CYFIP2: variants seen among roughly 807,000 people sequenced by gnomAD.
The protein encoded by CYFIP2 is cytoplasmic FMR1-interacting protein 2.
CYFIP2 carries 29 observed loss-of-function variants against 158.7 expected under a neutral mutation model. That is an observed-to-expected ratio of 0.18 (90% confidence interval 0.14 to 0.25). CYFIP2 has a LOEUF of 0.25. CYFIP2 is among the 10% of genes least tolerant of loss of function. The pLI, the probability that CYFIP2 is intolerant of heterozygous loss-of-function variation, is 1.00. For synonymous variants in CYFIP2, 585 were observed against 617.6 expected (o/e 0.95, Z 0.78); for missense variants, 852 against 1,639.5 (o/e 0.52, Z 8.29).
At chr5:157,387,986 T>G (rs1208427019) in intron 28 of CYFIP2, among the ~76,000 whole-genome samples, 1 of 152,186 alleles carries the variant, frequency 6.6e-6, no homozygotes, top group African/African-American at 2.4e-5. Context: ...CCTCTCTTCC[T>G]GGGGGCCTCC....
chr5:157,299,102 AGAT>A lies in CYFIP2; in HGVS notation c.388-1611_388-1609del, dbSNP rs1581004113. 2.6e-5 allele frequency among the ~76,000 whole-genome samples: 4 copies of A among 152,202 alleles called. No individual in the cohort carries two copies. The East Asian group carries it at 7.7e-4, about 29-fold the overall frequency. On this transcript the variant is annotated intron_variant, in intron 5 of 30. Transcript: ENST00000620254. ...GACCTAGGAGTGGAATTGTTGGGTCAGATGGTAACCCCACCTTTAAGCTTTTAA... is the reference window on the plus strand; with the variant it reads ...GACCTAGGAGTGGAATTGTTGGGTCAGGTAACCCCACCTTTAAGCTTTTAA...
At chr5:157,364,191 T>TGGC (rs1764125953) in intron 26 of CYFIP2, 1 of 51,562 alleles carries the variant, frequency 1.9e-5, no homozygotes, top group African/African-American at 5.7e-5. Context: ...ACAGTGGAGG[T>TGGC]GGGGCGGGGT....
chr5:157,358,767 GCCCTTTAT>G (rs1763593263), intron 23 of CYFIP2, among the ~76,000 whole-genome samples: 1 of 152,192 alleles, frequency 6.6e-6, no homozygotes, highest in Non-Finnish European at 1.5e-5. Context: ...TTGCTTGGAA[GCCCTTTAT>G]CCTCTTCTGC....
At chr5:157,367,209 C>T (rs1176738234) in intron 26 of CYFIP2, among the ~76,000 whole-genome samples, 1 of 152,200 alleles carries the variant, frequency 6.6e-6, no homozygotes, top group Non-Finnish European at 1.5e-5. Flanking sequence ...TTCTCAACCT[C>T]AGCACCACTG....
At chr5:157,374,900 G>A (rs558170661) in intron 26 of CYFIP2, among the ~76,000 whole-genome samples, 41 of 152,302 alleles carry the variant, frequency 2.7e-4, no homozygotes, top group African/African-American at 9.4e-4. Context: ...CATCAACTGC[G>A]TTGCAAGACC....
In CYFIP2 at chr5:157,285,337, A is replaced by G; in HGVS notation, c.-23-2A>G. The G allele has an allele frequency of 6.5e-7, 1 of 1,541,242 alleles. No individual in the cohort carries two copies. The highest frequency in any genetic ancestry group is 8.8e-7 in the Non-Finnish European group (1 of 1,136,722). ...CACTGACCTTCTCTTCCTTCCCTTC[A>G]GTGCAGAATACAGAAACTGCAGCCA... On this transcript the variant is annotated splice_acceptor_variant, in intron 1 of 30. Coordinates refer to ENST00000620254, the MANE Select transcript of CYFIP2 (RefSeq NM_001037333.3). LOFTEE classifies it low-confidence loss of function (5UTR_SPLICE).
intron 28 of CYFIP2, 115 bp from the exon 29 acceptor site, chr5:157,389,074 T>A (rs1766992485): frequency 1.0e-6 from 1 of 990,036 alleles, no homozygotes; most frequent in Non-Finnish European, 1.5e-6. Context: ...ACAAGACCAG[T>A]TCTGGTGAAC....
In CYFIP2 at chr5:157,340,944, T is replaced by C. The variant is rs143251210; in HGVS notation, c.2586-126T>C. Reference sequence around the variant, plus strand: ...TTTAGTACCTTTATAGTCAACCACCTAACAAACAGTGCACTTGTACCAGTG... The same window carrying C: ...TTTAGTACCTTTATAGTCAACCACCCAACAAACAGTGCACTTGTACCAGTG... On this transcript the variant is annotated intron_variant, in intron 22 of 30. Coordinates refer to ENST00000620254, the MANE Select transcript of CYFIP2 (RefSeq NM_001037333.3). 7.3e-4 allele frequency: 588 copies of C among 806,374 alleles called. 5 individuals carry two copies. In the African/African-American group the frequency reaches 8.6e-3, roughly 12 times the overall value. The allele number at this position is 806,374 out of a possible 1,614,324, so 50.0% of individuals were successfully genotyped here. A position where few individuals can be genotyped will look rare whatever the true frequency, so the allele number is the denominator to read the frequency against.
chr5:157,319,698 A>T, intron 13 of CYFIP2, 64 bp from the exon 14 acceptor site: 6 of 1,576,922 alleles, frequency 3.8e-6, no homozygotes, highest in Non-Finnish European at 5.2e-6. Flanking sequence ...CAGGGCGGTG[A>T]TGGGTAGTAG....
chr5:157,343,564 A>T, intron 23 of CYFIP2: 1 of 1,514,418 alleles, frequency 6.6e-7, no homozygotes. Flanking sequence ...AATCAAAGTG[A>T]AGAGTGACAT....
Position 157,319,764 on chromosome 5 carries a change from G to T in CYFIP2, c.1359G>T (p.Val453=). Residue 453 remains valine, a splice_region_variant and synonymous_variant, in exon 14 of 31, where the codon GTG becomes GTT. Transcript: ENST00000620254. ...ACCCTTGGCCTCTTCCTGCCCAGGT[G>T]ATCGCCATGATCAAAGGCCTGCAGG... The part of the protein sequence containing the change: ...TSEEKFAFVE[V]IAMIKGLQVL... The T allele has an allele frequency of 6.2e-7, 1 of 1,613,998 alleles. No individual in the cohort carries two copies. Among genetic ancestry groups the T allele is most frequent in the Non-Finnish European group, 8.5e-7 (1 of 1,179,874 alleles).
intron 26 of CYFIP2, 102 bp from the exon 27 acceptor site, chr5:157,382,488 A>G: frequency 8.1e-7 from 1 of 1,231,248 alleles, no homozygotes; most frequent in East Asian, 2.5e-5. Context: ...CAGGATTTGA[A>G]CCCAGGTCTA....
intron 13 of CYFIP2, among the ~76,000 whole-genome samples, chr5:157,318,579 A>C (rs1760336495): frequency 6.6e-6 from 1 of 152,314 alleles, no homozygotes. Flanking sequence ...CTATCTAAAA[A>C]TGTTCTTTTT....
intron 26 of CYFIP2, among the ~76,000 whole-genome samples, chr5:157,366,896 T>TA (rs1764424104): frequency 6.6e-6 from 1 of 152,202 alleles, no homozygotes; most frequent in African/African-American, 2.4e-5. Flanking sequence ...CATTGTTTGT[T>TA]ATGCCAGCAT....
chr5:157,346,230 A>G (rs574276888), intron 23 of CYFIP2, among the ~76,000 whole-genome samples: 71 of 152,268 alleles, frequency 4.7e-4, no homozygotes, highest in African/African-American at 1.6e-3. Flanking sequence ...CCTGAGCCCT[A>G]TCCCTGCACA....
intron 1 of CYFIP2, among the ~76,000 whole-genome samples, chr5:157,278,113 G>A (rs921077420): frequency 1.3e-4 from 19 of 151,650 alleles, no homozygotes; most frequent in African/African-American, 4.4e-4. Context: ...TTTTTTAATA[G>A]GAACAACCTA....
intron 28 of CYFIP2, chr5:157,384,795 C>G (rs1417571610): frequency 3.0e-5 from 9 of 300,988 alleles, no homozygotes; most frequent in Non-Finnish European, 6.0e-5. Flanking sequence ...CAAAAATTAG[C>G]CAGGCGTGGT....
At chr5:157,381,404 G>A (rs7703717) in intron 26 of CYFIP2, among the ~76,000 whole-genome samples, 12,435 of 151,732 alleles carry the variant, frequency 0.082, 578 homozygotes, top group South Asian at 0.2. Flanking sequence ...GCGAGCGCCT[G>A]TAGTCTCAGC....
chr5:157,382,053 A>G lies in CYFIP2; in HGVS notation c.3040-537A>G, dbSNP rs942719137. On this transcript the variant is annotated intron_variant, in intron 26 of 30. Coordinates refer to ENST00000620254, the MANE Select transcript of CYFIP2 (RefSeq NM_001037333.3). ...TTAAGTTTATCTTTGCACATAACAA[A>G]TAACCATTGAAACCAATCTGGCCTG... Among the ~76,000 whole-genome samples the G allele has an allele frequency of 2.6e-5, 4 of 152,222 alleles. No homozygotes were observed. In the East Asian group the frequency reaches 7.7e-4, roughly 29 times the overall value.
Sources: gnomAD v4.1 joint callset for allele counts (sites outside exome capture counted in the v4.1 genomes callset) on GRCh38, gnomAD v4.1.1 for gene constraint, MANE v1.5 for transcripts, NCBI Gene and HGNC (gene_info 2026-07-23, HGNC 2026-07-21) for gene names.